Variants in DCAF6 observed in about 807,000 individuals in gnomAD.
DCAF6 encodes DDB1- and CUL4-associated factor 6.
DCAF6 carries 54 observed loss-of-function variants against 125.1 expected under a neutral mutation model. The observed-to-expected ratio is 0.43, with a 90% CI of 0.35 to 0.54. DCAF6 has a LOEUF of 0.54. Ranked by LOEUF, DCAF6 falls within the 20% of genes least tolerant of loss-of-function variation. The pLI is 0.01. For synonymous variants in DCAF6, 371 were observed against 390.4 expected (o/e 0.95, Z 0.58); for missense variants, 934 against 1,161.7 (o/e 0.80, Z 2.85).
the DCAF6 span, chr1:167,918,042 T>C: frequency 3.6e-6 from 1 of 278,542 alleles, no homozygotes; most frequent in Non-Finnish European, 6.7e-6. Context: ...ATATGTTGGC[T>C]GACTGGAACA....
chr1:167,961,323 A>G (rs1051983904), intron 2 of DCAF6, among the ~76,000 whole-genome samples: 2 of 152,124 alleles, frequency 1.3e-5, no homozygotes, highest in Admixed American at 6.5e-5. Flanking sequence ...GCTCAATGCA[A>G]GCTCCGCCTC....
At chr1:168,074,440 C>T (rs920837719) in intron 21 of DCAF6, among the ~76,000 whole-genome samples, 1 of 152,074 alleles carries the variant, frequency 6.6e-6, no homozygotes, top group Non-Finnish European at 1.5e-5. Flanking sequence ...TCACAATACC[C>T]TTATGTAATG....
intron 12 of DCAF6, among the ~76,000 whole-genome samples, chr1:168,033,525 G>A (rs1687407837): frequency 6.6e-6 from 1 of 151,796 alleles, no homozygotes; most frequent in Non-Finnish European, 1.5e-5. Context: ...CACCTTGTTA[G>A]CCAGGATGGT....
At chr1:167,956,071 C>T (rs960457015) in intron 2 of DCAF6, among the ~76,000 whole-genome samples, 21 of 152,118 alleles carry the variant, frequency 1.4e-4, no homozygotes, top group Admixed American at 5.2e-4. Flanking sequence ...TAGCTAAGAA[C>T]ATTGTCTCTT....
intron 17 of DCAF6, among the ~76,000 whole-genome samples, chr1:168,057,132 T>C (rs1471011606): frequency 6.6e-6 from 1 of 152,212 alleles, no homozygotes; most frequent in Non-Finnish European, 1.5e-5. Context: ...TGTAAGGTAT[T>C]TTAATAATAC....
At chr1:167,971,813 A>T (rs1032809502) in intron 3 of DCAF6, among the ~76,000 whole-genome samples, 1 of 152,212 alleles carries the variant, frequency 6.6e-6, no homozygotes, top group African/African-American at 2.4e-5. Context: ...CAAGGAAAGC[A>T]CAACTAAGAA....
intron 12 of DCAF6, among the ~76,000 whole-genome samples, chr1:168,032,084 A>C (rs191845023): frequency 6.6e-6 from 1 of 152,372 alleles, no homozygotes; most frequent in East Asian, 1.9e-4. Flanking sequence ...TAAAATTATT[A>C]TAATTGACAT....
chr1:167,953,885 C>T (rs1367594600), intron 2 of DCAF6, among the ~76,000 whole-genome samples: 2 of 152,142 alleles, frequency 1.3e-5, no homozygotes, highest in East Asian at 3.9e-4. Context: ...AGGTGTAAGC[C>T]ACTGTTCCTG....
Position 167,936,684 on chromosome 1 carries a change from G to C in DCAF6, c.-228G>C. 1 of 498,282 alleles carries C rather than the reference G, an allele frequency of 2.0e-6. No homozygotes were observed. 30.9% of individuals were successfully genotyped at this position (498,282 alleles called of 1,614,324 possible). ...GGGAGGAGACTGTTGCTGATCTTTG[G>C]ATGTTCTGGTTAGTCTAAGAAGGAG... On this transcript the variant is annotated 5_prime_UTR_variant, in exon 1 of 22. Transcript: ENST00000367840.
chr1:168,012,239 G>A (rs969090568), intron 10 of DCAF6, among the ~76,000 whole-genome samples: 1 of 152,140 alleles, frequency 6.6e-6, no homozygotes, highest in Admixed American at 6.5e-5. Context: ...TATTGTAGAG[G>A]CAGGATGTGA....
chr1:167,968,903 G>A (rs1676872529), intron 3 of DCAF6, among the ~76,000 whole-genome samples: 1 of 152,320 alleles, frequency 6.6e-6, no homozygotes, highest in South Asian at 2.1e-4. Flanking sequence ...AAGTGGCACA[G>A]TAGTCTTACC....
At position 167,991,265 on chromosome 1, in the gene DCAF6, A is replaced by G. The variant is rs1238220337; in HGVS notation, c.614A>G (p.Tyr205Cys). The change falls in exon 6 of 22, where the codon TAT becomes TGT. Residue 205 changes from tyrosine to cysteine, a missense_variant. Tyr to Cys is a radical substitution (Grantham distance 194). This residue lies in a region of DCAF6 where 309 missense variants were observed against 381.2 expected (regional missense o/e 0.81). Transcript: ENST00000367840. Reference sequence around the variant, plus strand: ...GTTGCTATTTGCCCACCAATACCATATTACCTTGCTGTTGGTTGTTCTGAC... The same window carrying G: ...GTTGCTATTTGCCCACCAATACCATGTTACCTTGCTGTTGGTTGTTCTGAC... Reference protein sequence around the residue: ...TSVAICPPIPYYLAVGCSDSS... With the variant: ...TSVAICPPIPCYLAVGCSDSS... The G allele has an allele frequency of 6.2e-7, 1 of 1,613,502 alleles. No individual in the cohort carries two copies. Among genetic ancestry groups the G allele is most frequent in the Non-Finnish European group, 8.5e-7 (1 of 1,179,870 alleles).
chr1:168,002,024 G>A (rs142783720), intron 7 of DCAF6, among the ~76,000 whole-genome samples: 11 of 152,244 alleles, frequency 7.2e-5, no homozygotes, highest in Admixed American at 5.9e-4. Context: ...TTTGGGAACC[G>A]AAGAGTAAAT....
chr1:167,899,573 G>T, the DCAF6 span: 1 of 1,614,234 alleles, frequency 6.2e-7, no homozygotes, highest in Non-Finnish European at 8.5e-7. Flanking sequence ...TCACCAGAAA[G>T]TGGCTGTGTG....
chr1:167,918,301 G>A, the DCAF6 span: 4 of 1,557,372 alleles, frequency 2.6e-6, no homozygotes, highest in South Asian at 4.5e-5. Context: ...CATCTAGATT[G>A]TTCAGGTGAT....
chr1:167,870,131 G>T, the DCAF6 span: 1 of 1,076,502 alleles, frequency 9.3e-7, no homozygotes, highest in Non-Finnish European at 1.4e-6. Context: ...TAGCACAAGG[G>T]TCATGGCATC....
Position 167,993,349 on chromosome 1 carries a change from G to A in DCAF6, c.812G>A (p.Ser271Asn). The A allele has an allele frequency of 1.2e-6, 2 of 1,613,846 alleles. No homozygotes were observed. The highest frequency in any genetic ancestry group is 1.7e-5 in the Admixed American group (1 of 60,014). Residue 271 changes from serine to asparagine, a missense_variant, in exon 7 of 22, where the codon AGT becomes AAT. Physicochemically the swap from Ser to Asn is conservative, Grantham distance 46 (BLOSUM62 1). This residue lies in a region of DCAF6 where 309 missense variants were observed against 381.2 expected (regional missense o/e 0.81). Coordinates refer to ENST00000367840, the MANE Select transcript of DCAF6 (RefSeq NM_001198956.2). ...GAAGATGGTCAAGAGATTCTCGTTA[G>A]TTACTCTTCAGATTACATATATCTT... ...YSEDGQEILVSYSSDYIYLFD... is the reference protein window; with the variant it reads ...YSEDGQEILVNYSSDYIYLFD...
chr1:167,935,990 C>G (rs1432726408), upstream of DCAF6: 34 of 648,802 alleles, frequency 5.2e-5, no homozygotes, highest in Non-Finnish European at 7.8e-5. Flanking sequence ...TTTCCCTGCC[C>G]GCTGTGAACC....
chr1:168,022,091 A>G (rs1372386150), intron 11 of DCAF6, among the ~76,000 whole-genome samples: 1 of 152,090 alleles, frequency 6.6e-6, no homozygotes, highest in Non-Finnish European at 1.5e-5. Flanking sequence ...ATTAGAGAGT[A>G]AGGAGAAGCT....
Sources: gnomAD v4.1 joint callset for allele counts (sites outside exome capture counted in the v4.1 genomes callset) on GRCh38, gnomAD v4.1.1 for gene constraint, gnomAD v4.1.1 regional missense constraint, MANE v1.5 for transcripts, NCBI Gene and HGNC (gene_info 2026-07-23, HGNC 2026-07-21) for gene names.